ANKRD18B: variants seen among roughly 807,000 people sequenced by gnomAD.
The protein encoded by ANKRD18B is ankyrin repeat domain-containing protein 18B.
ANKRD18B carries 75 observed loss-of-function variants against 111.8 expected under a neutral mutation model. The ratio of observed to expected loss-of-function variants is 0.67; its 90% CI spans 0.56 to 0.81. The LOEUF (loss-of-function observed/expected upper bound fraction) is 0.81, where lower values mean the gene tolerates loss of function less well. Ranked by LOEUF, ANKRD18B falls within the 40% of genes least tolerant of loss-of-function variation. The pLI, the probability that ANKRD18B is intolerant of heterozygous loss-of-function variation, is 0.00. For missense variants in ANKRD18B, 1,038 were observed against 1,225.5 expected, an observed-to-expected ratio of 0.85 and a Z score of 2.28; for synonymous variants, 356 against 417.3, an observed-to-expected ratio of 0.85 and a Z score of 1.79.
intron 6 of ANKRD18B, 118 bp downstream of exon 6, chr9:33,537,063 G>C (rs566131679): frequency 3.3e-6 from 2 of 615,026 alleles, no homozygotes; most frequent in Non-Finnish European, 4.9e-6. Context: ...TTGGGAGGCC[G>C]AGGCAGGTGG....
intron 12 of ANKRD18B, among the ~76,000 whole-genome samples, chr9:33,553,337 C>T (rs989571690): frequency 1.3e-5 from 2 of 151,976 alleles, no homozygotes; most frequent in African/African-American, 2.4e-5. Flanking sequence ...CACTGCACTC[C>T]AGCCTGGGTA....
intron 13 of ANKRD18B, 110 bp downstream of exon 13, chr9:33,555,930 A>C: frequency 1.3e-6 from 1 of 744,374 alleles, no homozygotes; most frequent in Admixed American, 4.1e-5. Context: ...CATTTTCATA[A>C]TTAAATGAAT....
In ANKRD18B at chr9:33,555,806, A is replaced by G; in HGVS notation, c.2316A>G (p.Glu772=). 2 of 1,395,148 alleles carry G rather than the reference A, an allele frequency of 1.4e-6. No homozygotes were observed. Among genetic ancestry groups the G allele is most frequent in the Non-Finnish European group, 1.9e-6 (2 of 1,072,018 alleles). 86.4% of individuals were successfully genotyped at this position (1,395,148 alleles called of 1,614,324 possible). A position where few individuals can be genotyped will look rare whatever the true frequency, so the allele number is the denominator to read the frequency against. The change falls in exon 13 of 19, where the codon GAA becomes GAG. Residue 772 remains glutamate, a synonymous_variant. Transcript: ENST00000684830. Reference sequence around the variant, plus strand: ...TAAGAAAGAAAAATCGTGAATTAGAAGAAGAGGCAACTGGGTATGGTTTTC... The same window carrying G: ...TAAGAAAGAAAAATCGTGAATTAGAGGAAGAGGCAACTGGGTATGGTTTTC... ...DQIRKKNREL[E]EEATGYKKCL...
intron 10 of ANKRD18B, 139 bp downstream of exon 10, chr9:33,543,394 A>G: frequency 1.4e-6 from 1 of 732,504 alleles, no homozygotes; most frequent in South Asian, 3.0e-5. Flanking sequence ...GAATTTTAAA[A>G]TATTTTAGCC....
chr9:33,574,461 G>A (rs997438872), downstream of ANKRD18B: 1 of 152,772 alleles, frequency 6.5e-6, no homozygotes, highest in African/African-American at 2.4e-5. Context: ...GTGAGAAGAT[G>A]TATTGAATTC....
In ANKRD18B at chr9:33,568,776, T is replaced by G. The variant is rs1313178740; in HGVS notation, c.3060T>G (p.Pro1020=). The change falls in exon 17 of 19, where the codon CCT becomes CCG. Residue 1020 remains proline (P), a synonymous_variant. Transcript: ENST00000684830. ...TLPMRPDPEL[P]CVENLNSIEL... ...CTATGAGGCCAGACCCAGAGTTACC[T>G]TGTGTTGAAAATCTTAATAGTATAG... 6.4e-7 allele frequency: 1 copy of G among 1,551,454 alleles called. No homozygotes were observed. The highest frequency in any genetic ancestry group is 2.0e-5 in the Admixed American group (1 of 50,986).
intron 13 of ANKRD18B, among the ~76,000 whole-genome samples, chr9:33,556,430 A>C (rs1488579527): frequency 2.0e-5 from 3 of 151,736 alleles, no homozygotes; most frequent in Non-Finnish European, 4.4e-5. Flanking sequence ...TGCCTGGCTA[A>C]TTTTTGTATT....
intron 3 of ANKRD18B, among the ~76,000 whole-genome samples, chr9:33,532,078 C>CA (rs1394320865): frequency 1.3e-4 from 20 of 152,048 alleles, no homozygotes; most frequent in East Asian, 3.9e-4. Context: ...ACTAAAAATA[C>CA]AAAAAATTAG....
chr9:33,567,566 C>T (rs1203825396), intron 16 of ANKRD18B, among the ~76,000 whole-genome samples: 1 of 151,962 alleles, frequency 6.6e-6, no homozygotes, highest in African/African-American at 2.4e-5. Flanking sequence ...TTAACCTGAC[C>T]AGTTAGTTTT....
rs1437940874 is a variant in ANKRD18B, at chr9:33,540,085, C to G, written c.870C>G (p.Leu290=). 1 of 151,830 alleles carries G rather than the reference C, an allele frequency of 6.6e-6. No individual in the cohort carries two copies. The highest frequency in any genetic ancestry group is 1.5e-5 in the Non-Finnish European group (1 of 67,970). 9.4% of individuals were successfully genotyped at this position (151,830 alleles called of 1,614,324 possible). A position where few individuals can be genotyped will look rare whatever the true frequency, so the allele number is the denominator to read the frequency against. ...TTTCCTTCGGGGATGTAGTCTCGCT[C>G]TATCACCAGTCTGGAGTCCAGTGGC... ...KTQGASSKVS[L]YHQSGVQWHD... The change falls in exon 8 of 19, where the codon CTC becomes CTG. Residue 290 remains leucine (L), a synonymous_variant. Coordinates refer to ENST00000684830, the MANE Select transcript of ANKRD18B (RefSeq NM_001393611.1).
At chr9:33,546,527 C>G (rs964413681) in intron 10 of ANKRD18B, among the ~76,000 whole-genome samples, 4 of 152,080 alleles carry the variant, frequency 2.6e-5, no homozygotes, top group African/African-American at 7.2e-5. Flanking sequence ...AGGCTGAGTC[C>G]TGTACATTAT....
At chr9:33,526,192 A>C (rs1016171116) in intron 1 of ANKRD18B, among the ~76,000 whole-genome samples, 1 of 152,218 alleles carries the variant, frequency 6.6e-6, no homozygotes, top group African/African-American at 2.4e-5. Context: ...GATAATTACC[A>C]CATTTTAAAA....
chr9:33,568,483 A>G (rs1466602530), intron 16 of ANKRD18B, among the ~76,000 whole-genome samples, 188 bp from the exon 17 acceptor site: 1 of 152,188 alleles, frequency 6.6e-6, no homozygotes, highest in African/African-American at 2.4e-5. Flanking sequence ...AAACACATAT[A>G]CTTATTTAGA....
rs1466380339 is a variant in ANKRD18B at position 33,528,744 on chromosome 9, C to T, written c.224C>T (p.Ala75Val). Reference sequence around the variant, plus strand: ...TCTCCTAGGACTGTTCTACATTTGGCCTGTGCCCATGGCCGTGTGCAAGTG... The same window carrying T: ...TCTCCTAGGACTGTTCTACATTTGGTCTGTGCCCATGGCCGTGTGCAAGTG... ...DRKDRTVLHL[A>V]CAHGRVQVVT... Residue 75 changes from alanine to valine, a missense_variant, in exon 2 of 19, where the codon GCC becomes GTC. By Grantham distance (64) the Ala-to-Val change is moderately conservative. Coordinates refer to ENST00000684830, the MANE Select transcript of ANKRD18B (RefSeq NM_001393611.1). 1 of 1,612,238 alleles carries T rather than the reference C, an allele frequency of 6.2e-7. No individual in the cohort carries two copies. The highest frequency in any genetic ancestry group is 1.1e-5 in the South Asian group (1 of 90,708).
intron 1 of ANKRD18B, among the ~76,000 whole-genome samples, chr9:33,527,566 C>T (rs1463018205): frequency 5.3e-5 from 8 of 152,196 alleles, no homozygotes; most frequent in African/African-American, 1.2e-4. Flanking sequence ...GAGATCCACC[C>T]GCCTTGGCCT....
intron 17 of ANKRD18B, 113 bp from the exon 18 acceptor site, chr9:33,571,133 T>G (rs1402634454): frequency 3.5e-4 from 79 of 225,826 alleles, no homozygotes; most frequent in Non-Finnish European, 8.5e-6. Context: ...TCATGTTATG[T>G]CTAGTCACTA....
chr9:33,557,690 AG>A (rs1828546590), intron 13 of ANKRD18B, among the ~76,000 whole-genome samples: 1 of 152,140 alleles, frequency 6.6e-6, no homozygotes, highest in Non-Finnish European at 1.5e-5. Context: ...TGGGAGGCTG[AG>A]ACAGGAGAAT....
Position 33,541,175 on chromosome 9 carries a change from G to GA in ANKRD18B, c.1033dup (p.Arg345LysfsTer31), listed in dbSNP as rs754080981. Reference sequence around the variant, plus strand: ...CAGCAGCTATGAAGCCTGAAAATTTGAAAAAAAGAAAAAAAAGAAAAAAAT... The same window carrying GA: ...CAGCAGCTATGAAGCCTGAAAATTTGAAAAAAAAGAAAAAAAAGAAAAAAAT... On this transcript the variant is annotated frameshift_variant, in exon 9 of 19. Coordinates refer to ENST00000684830, the MANE Select transcript of ANKRD18B (RefSeq NM_001393611.1). LOFTEE classifies it high-confidence loss of function. 80 of 1,525,018 alleles carry GA rather than the reference G, an allele frequency of 5.2e-5. No homozygotes were observed. The African/African-American group carries it at 8.8e-4, about 17-fold the overall frequency. 94.5% of individuals were successfully genotyped at this position (1,525,018 alleles called of 1,614,324 possible).
chr9:33,566,098 T>C, intron 14 of ANKRD18B, 121 bp from the exon 15 acceptor site: 1 of 889,394 alleles, frequency 1.1e-6, no homozygotes, highest in Non-Finnish European at 1.7e-6. Context: ...ATTTGAAGAA[T>C]CTACTACATT....
Sources: gnomAD v4.1 joint callset for allele counts (sites outside exome capture counted in the v4.1 genomes callset) on GRCh38, gnomAD v4.1.1 for gene constraint, MANE v1.5 for transcripts, NCBI Gene and HGNC (gene_info 2026-07-23, HGNC 2026-07-21) for gene names.